TBC1D15: variants seen among roughly 807,000 people sequenced by gnomAD.
The protein encoded by TBC1D15 is GAP for RAB7.
In TBC1D15, 39 loss-of-function variants were observed where a neutral mutation model predicts 95.4. That is an observed-to-expected ratio of 0.41 (90% CI 0.32 to 0.53). The LOEUF (loss-of-function observed/expected upper bound fraction) is 0.53. TBC1D15 is among the 20% of genes least tolerant of loss of function. TBC1D15 has a pLI of 0.29. For missense variants in TBC1D15, 733 were observed against 794.3 expected (o/e 0.92, Z 0.93); for synonymous variants, 258 against 261.3 (o/e 0.99, Z 0.12).
At chr12:71,844,724 A>G (rs570847374) in intron 1 of TBC1D15, among the ~76,000 whole-genome samples, 3 of 152,352 alleles carry the variant, frequency 2.0e-5, no homozygotes, top group South Asian at 2.1e-4. Context: ...TACCTGGCAC[A>G]TGGTAGGCGT....
chr12:71,884,282 A>G (rs1268204881), intron 4 of TBC1D15, among the ~76,000 whole-genome samples: 2 of 152,200 alleles, frequency 1.3e-5, no homozygotes, highest in African/African-American at 4.8e-5. Context: ...CTTCAAGAGA[A>G]TTAAGCTATT....
chr12:71,894,634 G>A lies in TBC1D15; in HGVS notation c.658-52G>A, dbSNP rs185210585. On this transcript the variant is annotated intron_variant, in intron 6 of 16. Coordinates refer to ENST00000485960, the MANE Select transcript of TBC1D15 (RefSeq NM_001146213.3). ...CTTTTTTGCTCATGATGGAGTATTC[G>A]TTTTTCTTTATTTGAGTTAATAATG... 2,494 of 1,511,252 alleles carry A rather than the reference G, an allele frequency of 1.7e-3. 4 individuals carry two copies. The highest frequency in any genetic ancestry group is 1.8e-3 in the Non-Finnish European group (2,016 of 1,108,904). 93.6% of individuals were successfully genotyped at this position (1,511,252 alleles called of 1,614,324 possible).
intron 3 of TBC1D15, among the ~76,000 whole-genome samples, chr12:71,877,694 G>A (rs999582664): frequency 1.3e-5 from 2 of 151,490 alleles, no homozygotes; most frequent in African/African-American, 2.4e-5. Context: ...GAGTGTCCTC[G>A]TGTCCCCTTT....
chr12:71,919,078 A>G (rs11178986), intron 14 of TBC1D15, among the ~76,000 whole-genome samples: 13,593 of 151,992 alleles, frequency 0.089, 690 homozygotes, highest in East Asian at 0.16. Context: ...TTTACATCCC[A>G]TGTTTCCCTT....
At chr12:71,850,282 T>C in intron 1 of TBC1D15, 1 of 506,304 alleles carries the variant, frequency 2.0e-6, no homozygotes, top group South Asian at 1.7e-5. Flanking sequence ...TTTGTCATGG[T>C]AAATACTGGG....
At chr12:71,849,428 A>G (rs1207324260) in intron 1 of TBC1D15, 2 of 1,207,730 alleles carry the variant, frequency 1.7e-6, no homozygotes, top group African/African-American at 1.5e-5. Flanking sequence ...TAATCAGTCA[A>G]AACACTCCAT....
chr12:71,910,035 TG>T (rs1445791618), intron 11 of TBC1D15, among the ~76,000 whole-genome samples: 6 of 152,242 alleles, frequency 3.9e-5, no homozygotes, highest in African/African-American at 1.2e-4. Context: ...AATTAATTTT[TG>T]TATAAGGTGT....
chr12:71,861,102 CTTA>C (rs1592713072), intron 1 of TBC1D15, among the ~76,000 whole-genome samples: 1 of 151,988 alleles, frequency 6.6e-6, no homozygotes, highest in Non-Finnish European at 1.5e-5. Flanking sequence ...CTGGATTCCA[CTTA>C]TTAGTATTTT....
intron 1 of TBC1D15, chr12:71,849,898 C>G: frequency 5.3e-6 from 3 of 571,150 alleles, no homozygotes; most frequent in Non-Finnish European, 1.0e-5. Context: ...ACCAAAGCTT[C>G]CAGCGTCTTG....
intron 1 of TBC1D15, among the ~76,000 whole-genome samples, chr12:71,864,857 C>A (rs1891150485): frequency 6.6e-6 from 1 of 152,154 alleles, no homozygotes; most frequent in Non-Finnish European, 1.5e-5. Flanking sequence ...GTGATTGTTT[C>A]CGAATAGGTG....
intron 1 of TBC1D15, among the ~76,000 whole-genome samples, chr12:71,865,686 C>G (rs1348510221): frequency 2.0e-5 from 3 of 152,076 alleles, no homozygotes; most frequent in Non-Finnish European, 2.9e-5. Flanking sequence ...TCCAGGGAAG[C>G]AAGGTACTAG....
intron 5 of TBC1D15, among the ~76,000 whole-genome samples, chr12:71,892,185 G>A (rs1897300299): frequency 6.6e-6 from 1 of 151,840 alleles, no homozygotes; most frequent in Non-Finnish European, 1.5e-5. Context: ...CTCAACCTCA[G>A]CCCCTTTTGA....
intron 3 of TBC1D15, among the ~76,000 whole-genome samples, chr12:71,880,240 A>G (rs539533189): frequency 4.5e-4 from 68 of 151,496 alleles, no homozygotes; most frequent in African/African-American, 1.3e-3. Context: ...ACTTCTGCTT[A>G]TATTTCATTG....
At chr12:71,902,691 C>G (rs1325121042) in intron 10 of TBC1D15, among the ~76,000 whole-genome samples, 3 of 152,116 alleles carry the variant, frequency 2.0e-5, no homozygotes, top group African/African-American at 7.2e-5. Context: ...GAAGAAGACT[C>G]CAAAAGCAAT....
intron 10 of TBC1D15, among the ~76,000 whole-genome samples, chr12:71,901,708 G>A (rs1899429773): frequency 6.6e-6 from 1 of 152,018 alleles, no homozygotes; most frequent in East Asian, 1.9e-4. Flanking sequence ...AACAAGACAA[G>A]GATACCCACT....
intron 3 of TBC1D15, among the ~76,000 whole-genome samples, chr12:71,877,360 C>A (rs1339942627): frequency 1.4e-5 from 2 of 144,530 alleles, no homozygotes; most frequent in Non-Finnish European, 3.1e-5. Flanking sequence ...AAACTTCTGT[C>A]TTTTTTTTTT....
intron 10 of TBC1D15, among the ~76,000 whole-genome samples, chr12:71,905,714 C>T (rs562440963): frequency 1.3e-5 from 2 of 152,134 alleles, no homozygotes; most frequent in African/African-American, 4.8e-5. Flanking sequence ...ATCCACAATT[C>T]TGTATGTATT....
chr12:71,908,181 AAAAG>A (rs1901257158), intron 11 of TBC1D15, among the ~76,000 whole-genome samples: 2 of 152,148 alleles, frequency 1.3e-5, no homozygotes, highest in Admixed American at 1.3e-4. Flanking sequence ...TCAAGGAAAA[AAAAG>A]AACTGACGGT....
chr12:71,872,834 A>G, intron 2 of TBC1D15, 95 bp from the exon 3 acceptor site: 1 of 797,994 alleles, frequency 1.3e-6, no homozygotes, highest in African/African-American at 1.7e-5. Context: ...GTAGATATTT[A>G]AGAGGCTGAA....
Sources: gnomAD v4.1 joint callset for allele counts (sites outside exome capture counted in the v4.1 genomes callset) on GRCh38, gnomAD v4.1.1 for gene constraint, MANE v1.5 for transcripts, NCBI Gene and HGNC (gene_info 2026-07-23, HGNC 2026-07-21) for gene names.